RANBP3: variants seen among roughly 807,000 people sequenced by gnomAD.
RANBP3 encodes RAN binding protein 3, also known as ran-binding protein 3.
A neutral mutation model predicts 77.3 loss-of-function variants in RANBP3; 14 were observed. That is an observed-to-expected ratio of 0.18 (90% CI 0.12 to 0.28). The LOEUF is 0.28. Among genes scored for constraint, RANBP3 ranks in the 10% least tolerant of loss-of-function variants. The pLI is 1.00. For synonymous variants in RANBP3, 315 were observed against 312.4 expected, an observed-to-expected ratio of 1.01 and a Z score of -0.09; for missense variants, 586 against 752.3, an observed-to-expected ratio of 0.78 and a Z score of 2.59.
At chr19:5,918,004 A>C in intron 15 of RANBP3, 24 bp from the exon 16 acceptor site, 1 of 1,553,776 alleles carries the variant, frequency 6.4e-7, no homozygotes, top group East Asian at 2.3e-5. Context: ...AGGGTATGAG[A>C]CCCCCGGACC....
chr19:5,970,989 G>A (rs533247215), intron 1 of RANBP3, among the ~76,000 whole-genome samples: 1 of 152,282 alleles, frequency 6.6e-6, no homozygotes, highest in Non-Finnish European at 1.5e-5. Context: ...TCCCGATGTT[G>A]GCAAGGCAGC....
At chr19:5,922,967 G>A (rs2057844950) in intron 13 of RANBP3, among the ~76,000 whole-genome samples, 1 of 152,150 alleles carries the variant, frequency 6.6e-6, no homozygotes, top group South Asian at 2.1e-4. Context: ...AACAAAGAAT[G>A]TCTCAAACAG....
At chr19:5,918,057 A>G in intron 15 of RANBP3, 77 bp from the exon 16 acceptor site, 1 of 1,456,974 alleles carries the variant, frequency 6.9e-7, no homozygotes, top group South Asian at 1.4e-5. Flanking sequence ...ACAAGTGCCA[A>G]GTCCCAAGGT....
intron 9 of RANBP3, among the ~76,000 whole-genome samples, chr19:5,926,080 G>C (rs145213242): frequency 1.3e-5 from 2 of 152,242 alleles, no homozygotes; most frequent in Non-Finnish European, 2.9e-5. Context: ...TGACGTTTTG[G>C]GGGGTTTACT....
chr19:5,936,479 G>C (rs1323964734), intron 5 of RANBP3, among the ~76,000 whole-genome samples: 1 of 152,220 alleles, frequency 6.6e-6, no homozygotes, highest in Non-Finnish European at 1.5e-5. Context: ...TGTGTCCCCA[G>C]CTCTGTCCGC....
chr19:5,939,763 A>ACT (rs3068975), intron 5 of RANBP3, among the ~76,000 whole-genome samples: 141,359 of 152,164 alleles, frequency 0.93, 65,771 homozygotes, highest in East Asian at 1. Flanking sequence ...AAACCCCAAG[A>ACT]CTCTTTACAG....
chr19:5,921,058 G>A lies in RANBP3; in HGVS notation c.1330+143C>T, dbSNP rs1287103664. On this transcript the variant is annotated intron_variant, in intron 14 of 16. Transcript: ENST00000340578. The surrounding 1 kb of genome is among the most constrained non-coding windows in gnomAD (Gnocchi z 5.3). Reference sequence around the variant, plus strand: ...GGTGCAGGGAGGGGGTTTGGGGGGCGGCTCTCATGGGAGACCGACTCTGTG... The same window carrying A: ...GGTGCAGGGAGGGGGTTTGGGGGGCAGCTCTCATGGGAGACCGACTCTGTG... The A allele has an allele frequency of 3.2e-5, 33 of 1,045,596 alleles. No homozygotes were observed. In the South Asian group the frequency reaches 5.0e-4, roughly 16 times the overall value. 64.8% of individuals were successfully genotyped at this position (1,045,596 alleles called of 1,614,324 possible).
At chr19:5,934,820 G>GT (rs1599741570) in intron 5 of RANBP3, among the ~76,000 whole-genome samples, 3 of 151,972 alleles carry the variant, frequency 2.0e-5, no homozygotes. Flanking sequence ...GGGCGACAGA[G>GT]TGAGACCTTG....
At chr19:5,957,886 CG>C in intron 2 of RANBP3, 31 bp downstream of exon 2, 1 of 1,610,304 alleles carries the variant, frequency 6.2e-7, no homozygotes. Flanking sequence ...ATTAGAGTAA[CG>C]AAGTGAAGAG....
rs770468971 is a variant in RANBP3, at chr19:5,921,365, T to C, written c.1210-44A>G. The C allele has an allele frequency of 6.8e-6, 11 of 1,607,930 alleles. No individual in the cohort carries two copies. Among genetic ancestry groups the C allele is most frequent in the Non-Finnish European group, 9.3e-6 (11 of 1,176,926 alleles). On this transcript the variant is annotated intron_variant, in intron 13 of 16. Coordinates refer to ENST00000340578, the MANE Select transcript of RANBP3 (RefSeq NM_007322.3). This position sits in a 1 kb window ranked among gnomAD's most constrained non-coding sequence, Gnocchi z 5.3. ...CGGTAAGCAGGGACCCCAGCTGGTG[T>C]CCTGCTGCAGCCACACCCTGAGAGT...
intron 5 of RANBP3, 94 bp from the exon 6 acceptor site, chr19:5,933,573 C>T (rs758670550): frequency 3.9e-5 from 38 of 969,206 alleles, no homozygotes; most frequent in Admixed American, 3.1e-4. Flanking sequence ...GTCTTGGCCT[C>T]AGTGACTTCG....
chr19:5,935,993 C>G (rs2058059579), intron 5 of RANBP3, among the ~76,000 whole-genome samples: 1 of 152,222 alleles, frequency 6.6e-6, no homozygotes, highest in Non-Finnish European at 1.5e-5. Flanking sequence ...CCGCCGGCAG[C>G]CTTTGCCCTC....
chr19:5,932,245 C>T (rs962894704), intron 7 of RANBP3, among the ~76,000 whole-genome samples: 5 of 152,198 alleles, frequency 3.3e-5, no homozygotes, highest in Non-Finnish European at 7.3e-5. Flanking sequence ...GCTGTGGAGC[C>T]GCCTCTCCCT....
rs528745600 is a variant in RANBP3, at chr19:5,945,275, C to A, written c.283-3440G>T. Among the ~76,000 whole-genome samples the A allele has an allele frequency of 2.6e-5, 4 of 152,372 alleles. No homozygotes were observed. In the East Asian group the frequency reaches 7.7e-4, roughly 29 times the overall value. ...CCCCGAGCTCCCTCGTGTCTCCTCA[C>A]CCCTGCACGGGATGTTTCTCCTGAC... On this transcript the variant is annotated intron_variant, in intron 3 of 16. Transcript: ENST00000340578.
At position 5,921,062 on chromosome 19, in the gene RANBP3, C is replaced by T; in HGVS notation, c.1330+139G>A. 8.7e-7 allele frequency: 1 copy of T among 1,151,720 alleles called. No homozygotes were observed. Among genetic ancestry groups the T allele is most frequent in the Non-Finnish European group, 1.2e-6 (1 of 848,922 alleles). 71.3% of individuals were successfully genotyped at this position (1,151,720 alleles called of 1,614,324 possible). ...CAGGGAGGGGGTTTGGGGGGCGGCTCTCATGGGAGACCGACTCTGTGCCTT... is the reference window on the plus strand; with the variant it reads ...CAGGGAGGGGGTTTGGGGGGCGGCTTTCATGGGAGACCGACTCTGTGCCTT... On this transcript the variant is annotated intron_variant, in intron 14 of 16. Coordinates refer to ENST00000340578, the MANE Select transcript of RANBP3 (RefSeq NM_007322.3). This position sits in a 1 kb window ranked among gnomAD's most constrained non-coding sequence, Gnocchi z 5.3.
chr19:5,966,295 T>A (rs967879894), intron 1 of RANBP3, among the ~76,000 whole-genome samples: 1 of 152,180 alleles, frequency 6.6e-6, no homozygotes, highest in African/African-American at 2.4e-5. Context: ...ACAGGTCACA[T>A]GACCACCTGC....
intron 1 of RANBP3, among the ~76,000 whole-genome samples, chr19:5,970,963 C>A (rs2058523117): frequency 6.6e-6 from 1 of 152,200 alleles, no homozygotes; most frequent in African/African-American, 2.4e-5. Flanking sequence ...TGCTGGTCAG[C>A]TCTGGTTTAG....
Position 5,924,120 on chromosome 19 carries a change from T to C in RANBP3, c.997-206A>G, listed in dbSNP as rs1013789204. Among the ~76,000 whole-genome samples, 1 of 152,032 alleles carries C rather than the reference T, an allele frequency of 6.6e-6. No homozygotes were observed. The highest frequency in any genetic ancestry group is 1.5e-5 in the Non-Finnish European group (1 of 68,002). On this transcript the variant is annotated intron_variant, in intron 11 of 16. Coordinates refer to ENST00000340578, the MANE Select transcript of RANBP3 (RefSeq NM_007322.3). The surrounding 1 kb of genome is among the most constrained non-coding windows in gnomAD (Gnocchi z 4.7). ...TGAGTGCCACCAGCCGACAGTCCCCTCGAGCCACACTGGTCACTCCGTCTG... is the reference window on the plus strand; with the variant it reads ...TGAGTGCCACCAGCCGACAGTCCCCCCGAGCCACACTGGTCACTCCGTCTG...
intron 1 of RANBP3, among the ~76,000 whole-genome samples, chr19:5,967,447 A>G (rs1260733605): frequency 6.6e-6 from 1 of 152,324 alleles, no homozygotes; most frequent in African/African-American, 2.4e-5. Context: ...GGCAACAGGC[A>G]TTTGTTAAAA....
Sources: allele counts gnomAD v4.1 joint callset (sites outside exome capture counted in the v4.1 genomes callset), GRCh38; gene constraint gnomAD v4.1.1; non-coding constraint Gnocchi (gnomAD v3.1); transcripts MANE v1.5; gene names NCBI Gene and HGNC (gene_info 2026-07-23, HGNC 2026-07-21).